The following DRC8 variants were observed in gnomAD, a reference collection of about 807,000 sequenced individuals.
The protein encoded by DRC8 is dynein regulatory complex protein 8.
chr1:245,100,036 TTAAAAA>T, the DRC8 span, among the ~76,000 whole-genome samples: 354 of 152,302 alleles, frequency 2.3e-3, no homozygotes, highest in African/African-American at 8.2e-3. Flanking sequence ...TAAAAGATAC[TTAAAAA>T]TAAAGGCTCT....
the DRC8 span, among the ~76,000 whole-genome samples, chr1:245,090,492 G>A: frequency 6.6e-6 from 1 of 152,190 alleles, no homozygotes; most frequent in African/African-American, 2.4e-5. Flanking sequence ...AGTGCTTGAC[G>A]TACATGAACT....
chr1:245,049,535 A>T, the DRC8 span, among the ~76,000 whole-genome samples: 2 of 152,224 alleles, frequency 1.3e-5, no homozygotes, highest in African/African-American at 4.8e-5. This position sits in a 1 kb window ranked among gnomAD's most constrained non-coding sequence, Gnocchi z 4.5. Context: ...TGTACTCATG[A>T]CATGTATGTA....
the DRC8 span, among the ~76,000 whole-genome samples, chr1:244,973,748 A>G: frequency 1.3e-5 from 2 of 152,232 alleles, no homozygotes; most frequent in Non-Finnish European, 2.9e-5. Flanking sequence ...TGAGATTTCT[A>G]AAAGTTCTAA....
At chr1:245,094,034 G>A in the DRC8 span, among the ~76,000 whole-genome samples, 1 of 152,094 alleles carries the variant, frequency 6.6e-6, no homozygotes, top group Non-Finnish European at 1.5e-5. Flanking sequence ...TCCATGCTCT[G>A]AATGCCTAGT....
chr1:245,084,839 G>A, the DRC8 span, among the ~76,000 whole-genome samples: 4 of 152,182 alleles, frequency 2.6e-5, no homozygotes, highest in Non-Finnish European at 5.9e-5. Context: ...ACCTTAAGGC[G>A]GAATACAGAG....
At chr1:245,039,488 A>AAAAGAG in the DRC8 span, among the ~76,000 whole-genome samples, 1 of 147,670 alleles carries the variant, frequency 6.8e-6, no homozygotes, top group African/African-American at 2.5e-5. Flanking sequence ...AAAAAAAAAA[A>AAAAGAG]AGAGTTTGTG....
chr1:245,097,553 A>G, the DRC8 span, among the ~76,000 whole-genome samples: 2 of 152,124 alleles, frequency 1.3e-5, no homozygotes, highest in Non-Finnish European at 2.9e-5. This position sits in a 1 kb window ranked among gnomAD's most constrained non-coding sequence, Gnocchi z 5.0. Flanking sequence ...GAAAAGAAAC[A>G]GCGCTAGCAA....
the DRC8 span, among the ~76,000 whole-genome samples, chr1:245,039,882 A>G: frequency 1.3e-5 from 2 of 152,200 alleles, no homozygotes; most frequent in Admixed American, 6.5e-5. Context: ...CAGGGAATAC[A>G]TGATGTTGCT....
the DRC8 span, chr1:245,091,588 T>G: frequency 6.6e-6 from 1 of 152,266 alleles, no homozygotes. Context: ...AAGTTCGGAC[T>G]GATGTTCAAC....
the DRC8 span, among the ~76,000 whole-genome samples, chr1:244,976,086 T>C: frequency 2.0e-5 from 3 of 151,826 alleles, no homozygotes; most frequent in Non-Finnish European, 4.4e-5. Flanking sequence ...CTGACCAACA[T>C]GGTGAAACGC....
chr1:245,062,113 C>T, the DRC8 span, among the ~76,000 whole-genome samples: 5 of 151,962 alleles, frequency 3.3e-5, no homozygotes, highest in Admixed American at 6.6e-5. Context: ...CTCAAAAAAA[C>T]GAACAAACAA....
the DRC8 span, among the ~76,000 whole-genome samples, chr1:245,051,914 A>G: frequency 1.3e-5 from 2 of 151,146 alleles, no homozygotes; most frequent in East Asian, 1.9e-4. Context: ...GGCAAGAGCT[A>G]TAGGACATTC....
chr1:245,074,259 C>G, the DRC8 span, among the ~76,000 whole-genome samples: 9 of 152,164 alleles, frequency 5.9e-5, no homozygotes, highest in African/African-American at 2.2e-4. Flanking sequence ...CATATTGCAA[C>G]ACAACTTTAA....
chr1:245,064,983 T>C, the DRC8 span, among the ~76,000 whole-genome samples: 8 of 152,076 alleles, frequency 5.3e-5, no homozygotes, highest in African/African-American at 1.7e-4. Context: ...GGAAGTTTTC[T>C]TGCAATTATT....
At chr1:245,094,633 T>C in the DRC8 span, among the ~76,000 whole-genome samples, 1 of 152,188 alleles carries the variant, frequency 6.6e-6, no homozygotes, top group Non-Finnish European at 1.5e-5. Flanking sequence ...GTTTTCTTCC[T>C]GCACCCTGAG....
At chr1:245,056,657 G>T in the DRC8 span, among the ~76,000 whole-genome samples, 1 of 152,298 alleles carries the variant, frequency 6.6e-6, no homozygotes, top group African/African-American at 2.4e-5. Context: ...TTTAGACAAG[G>T]CCGGGTGTGG....
chr1:245,027,794 C>T, the DRC8 span, among the ~76,000 whole-genome samples: 1 of 151,270 alleles, frequency 6.6e-6, no homozygotes, highest in South Asian at 2.1e-4. Context: ...ATGAAATTAC[C>T]ACTAACCACA....
chr1:245,117,675 A>C, the DRC8 span, among the ~76,000 whole-genome samples: 6 of 152,030 alleles, frequency 3.9e-5, no homozygotes, highest in Admixed American at 2.6e-4. Flanking sequence ...ACTTAGTTTT[A>C]AATATGCTTC....
chr1:245,023,051 C>T, the DRC8 span: 4 of 152,142 alleles, frequency 2.6e-5, no homozygotes, highest in Admixed American at 6.5e-5. Context: ...AAAATTGGAA[C>T]GCTACAGAGA....
Sources: allele counts gnomAD v4.1 joint callset (sites outside exome capture counted in the v4.1 genomes callset), GRCh38; gene constraint gnomAD v4.1.1; non-coding constraint Gnocchi (gnomAD v3.1); transcripts MANE v1.5; gene names NCBI Gene and HGNC (gene_info 2026-07-23, HGNC 2026-07-21).